The following SGCD variants were observed in gnomAD, a reference collection of about 807,000 sequenced individuals.
The protein encoded by SGCD is sarcoglycan delta.
In SGCD, 18 loss-of-function variants were observed where a neutral mutation model predicts 36.6. The observed-to-expected ratio is 0.49, with a 90% CI of 0.34 to 0.73. SGCD has a LOEUF of 0.73. Among genes scored for constraint, SGCD ranks in the 30% least tolerant of loss-of-function variants. SGCD has a pLI of 0.01. For synonymous variants in SGCD, 133 were observed against 130.6 expected (o/e 1.02, Z -0.12); for missense variants, 387 against 346.7 (o/e 1.12, Z -0.92).
chr5:155,925,801 G>C (rs1022811083), intron 1 of SGCD, among the ~76,000 whole-genome samples: 4 of 152,038 alleles, frequency 2.6e-5, no homozygotes, highest in Non-Finnish European at 4.4e-5. Flanking sequence ...TTTTTTTGTA[G>C]AGATGAGGTT....
the SGCD span, among the ~76,000 whole-genome samples, chr5:155,794,692 G>A: frequency 6.6e-6 from 1 of 152,024 alleles, no homozygotes; most frequent in African/African-American, 2.4e-5. Context: ...TGGAATATAA[G>A]GTAAGTGTCT....
intron 1 of SGCD, among the ~76,000 whole-genome samples, chr5:155,880,822 C>G (rs1755865764): frequency 6.6e-6 from 1 of 152,004 alleles, no homozygotes; most frequent in South Asian, 2.1e-4. Context: ...ATACATTTCC[C>G]TTGTGGGTAA....
At chr5:156,695,538 T>C (rs1490358902) in intron 7 of SGCD, among the ~76,000 whole-genome samples, 2 of 143,916 alleles carry the variant, frequency 1.4e-5, no homozygotes, top group Non-Finnish European at 2.9e-5. Context: ...GATAGATAGA[T>C]AGATAGATAG....
chr5:156,404,524 C>T (rs1386692014), intron 3 of SGCD, among the ~76,000 whole-genome samples: 1 of 152,192 alleles, frequency 6.6e-6, no homozygotes, highest in Non-Finnish European at 1.5e-5. Context: ...ACCCCTAGTA[C>T]ATCCAGAATA....
At chr5:156,215,364 A>G (rs1204867344) in intron 3 of SGCD, among the ~76,000 whole-genome samples, 1 of 152,142 alleles carries the variant, frequency 6.6e-6, no homozygotes, top group Non-Finnish European at 1.5e-5. Flanking sequence ...GCTCATGCAC[A>G]GTAAAGGGAA....
chr5:156,759,711 C>CCAA lies in SGCD; in HGVS notation c.*324_*326dup. ...ACAGAAATCTAAACACACATCCGTC[C>CCAA]CAACATTCCCCAGACCATTCAGAAT... On this transcript the variant is annotated 3_prime_UTR_variant, in exon 9 of 9. Coordinates refer to ENST00000337851, the MANE Select transcript of SGCD (RefSeq NM_000337.6). 1 of 152,184 alleles carries CCAA rather than the reference C, an allele frequency of 6.6e-6. No homozygotes were observed. Among genetic ancestry groups the CCAA allele is most frequent in the Non-Finnish European group, 1.5e-5 (1 of 68,128 alleles). 9.4% of individuals were successfully genotyped at this position (152,184 alleles called of 1,614,324 possible). A position where few individuals can be genotyped will look rare whatever the true frequency, so the allele number is the denominator to read the frequency against.
intron 3 of SGCD, among the ~76,000 whole-genome samples, chr5:156,496,434 G>C (rs568577355): frequency 1.3e-5 from 2 of 152,006 alleles, no homozygotes; most frequent in African/African-American, 4.8e-5. Flanking sequence ...ACTGGGCTGC[G>C]TAAGTAGTAT....
At chr5:156,602,300 C>A (rs185397399) in intron 6 of SGCD, among the ~76,000 whole-genome samples, 41 of 150,136 alleles carry the variant, frequency 2.7e-4, no homozygotes, top group African/African-American at 9.4e-4. Flanking sequence ...ATTTGATGTC[C>A]CACAACTGAT....
At chr5:156,012,524 C>T (rs1758881347) in intron 1 of SGCD, among the ~76,000 whole-genome samples, 1 of 152,070 alleles carries the variant, frequency 6.6e-6, no homozygotes, top group Admixed American at 6.5e-5. Context: ...CTTATATATC[C>T]TTCAGGATAT....
rs1168266619 is a variant in SGCD at position 156,524,111 on chromosome 5, T to TTTAC, written c.294+15409_294+15410insTTAC. 9.8e-3 allele frequency among the ~76,000 whole-genome samples: 282 copies of TTTAC among 28,834 alleles called. 5 individuals carry two copies. Among genetic ancestry groups the TTTAC allele is most frequent in the Non-Finnish European group, 0.02 (234 of 11,448 alleles). The allele number at this position is 28,834 out of a possible 152,430, so 18.9% of individuals were successfully genotyped here. A position where few individuals can be genotyped will look rare whatever the true frequency, so the allele number is the denominator to read the frequency against. On this transcript the variant is annotated intron_variant, in intron 4 of 8. Transcript: ENST00000337851. ...AGGTCTTACTATATATATATATATA[T>TTTAC]ATATATATATATATATATATATATA... is the stretch of plus-strand genomic sequence containing the variant.
chr5:155,985,267 C>A (rs1007956174), intron 1 of SGCD, among the ~76,000 whole-genome samples: 1 of 152,146 alleles, frequency 6.6e-6, no homozygotes, highest in African/African-American at 2.4e-5. Flanking sequence ...CTCTCATCTG[C>A]TTCTAGGCCC....
intron 1 of SGCD, among the ~76,000 whole-genome samples, chr5:156,042,321 C>A (rs982260820): frequency 6.6e-6 from 1 of 152,048 alleles, no homozygotes; most frequent in East Asian, 1.9e-4. Context: ...AGGCTAATAC[C>A]CTTGCTCCAA....
chr5:156,757,991 C>A, intron 8 of SGCD: 1 of 1,217,904 alleles, frequency 8.2e-7, no homozygotes. Flanking sequence ...CTCTTGTCAC[C>A]TTAAAATAAG....
chr5:156,683,621 A>C (rs1046432751), intron 7 of SGCD, among the ~76,000 whole-genome samples: 1 of 152,220 alleles, frequency 6.6e-6, no homozygotes, highest in African/African-American at 2.4e-5. Flanking sequence ...GTTAATTAAG[A>C]AGAATGACAA....
intron 3 of SGCD, among the ~76,000 whole-genome samples, chr5:156,228,246 C>T (rs772505549): frequency 2.0e-5 from 3 of 151,960 alleles, no homozygotes; most frequent in African/African-American, 7.3e-5. Context: ...TGGAGTATTG[C>T]GGTCCCCCAC....
intron 1 of SGCD, among the ~76,000 whole-genome samples, chr5:156,047,302 G>T (rs1317660245): frequency 6.6e-6 from 1 of 152,182 alleles, no homozygotes; most frequent in African/African-American, 2.4e-5. Flanking sequence ...GATCATCGAT[G>T]AAGGTGGCTA....
At chr5:156,232,843 C>G (rs1393618233) in intron 3 of SGCD, among the ~76,000 whole-genome samples, 1 of 152,194 alleles carries the variant, frequency 6.6e-6, no homozygotes, top group African/African-American at 2.4e-5. Context: ...CATTCCCCTA[C>G]TTCCCCAGTG....
chr5:155,730,792 T>G, the SGCD span, among the ~76,000 whole-genome samples: 2 of 152,220 alleles, frequency 1.3e-5, no homozygotes, highest in Non-Finnish European at 2.9e-5. Flanking sequence ...TGTTTAGCCT[T>G]GCTGCCTTAA....
At chr5:156,087,289 T>C (rs192752539) in intron 1 of SGCD, among the ~76,000 whole-genome samples, 1 of 152,242 alleles carries the variant, frequency 6.6e-6, no homozygotes, top group East Asian at 1.9e-4. Context: ...CTAGAATGTA[T>C]TATATAACAC....
Sources: gnomAD v4.1 joint callset for allele counts (sites outside exome capture counted in the v4.1 genomes callset) on GRCh38, gnomAD v4.1.1 for gene constraint, MANE v1.5 for transcripts, NCBI Gene and HGNC (gene_info 2026-07-23, HGNC 2026-07-21) for gene names.